The following TDRKH variants were observed in gnomAD, a reference collection of about 807,000 sequenced individuals.
The protein encoded by TDRKH is tudor and KH domain containing.
TDRKH carries 28 observed loss-of-function variants against 61.3 expected under a neutral mutation model. That is an observed-to-expected ratio of 0.46 (90% CI 0.34 to 0.63). The LOEUF (loss-of-function observed/expected upper bound fraction) is 0.63. TDRKH is among the 20% of genes least tolerant of loss of function. The pLI is 0.01. For synonymous variants in TDRKH, 219 were observed against 244.4 expected, an observed-to-expected ratio of 0.90 and a Z score of 0.97; for missense variants, 540 against 683.4, an observed-to-expected ratio of 0.79 and a Z score of 2.34.
chr1:151,767,416 G>C, downstream of TDRKH: 5 of 1,499,120 alleles, frequency 3.3e-6, no homozygotes, highest in Non-Finnish European at 4.4e-6. Context: ...ATCTTGGAAC[G>C]CATGTGTAAA....
chr1:151,781,328 A>AAATATATATATATATATATAT (rs1491536697), intron 3 of TDRKH, among the ~76,000 whole-genome samples, 153 bp downstream of exon 3: 1 of 68,600 alleles, frequency 1.5e-5, no homozygotes, highest in Non-Finnish European at 3.4e-5. Context: ...AAAAAAAAAA[A>AAATATATATATATATATATAT]ATATATATAT....
chr1:151,768,241 A>G, downstream of TDRKH: 1 of 1,606,802 alleles, frequency 6.2e-7, no homozygotes, highest in Non-Finnish European at 8.5e-7. Flanking sequence ...AAGGTGACTG[A>G]GCCTGGATGG....
chr1:151,783,055 ACAAG>A lies in TDRKH; in HGVS notation c.-27-10_-27-7del. On this transcript the variant is annotated splice_region_variant and splice_polypyrimidine_tract_variant and intron_variant, in intron 1 of 12. Transcript: ENST00000368824. The stretch of plus-strand genomic sequence containing the variant: ...TGTACTCTTTGACTTATATCCTGAA[ACAAG>A]CAAAGCAGGGAAAAGAGGGAGGTTT... The A allele has an allele frequency of 6.2e-7, 1 of 1,605,452 alleles. No individual in the cohort carries two copies. The highest frequency in any genetic ancestry group is 1.1e-5 in the South Asian group (1 of 89,536).
intron 11 of TDRKH, 88 bp from the exon 12 acceptor site, chr1:151,774,894 G>T: frequency 6.8e-7 from 1 of 1,478,524 alleles, no homozygotes. Flanking sequence ...ATAGGACCTG[G>T]TTAAGGCAGT....
chr1:151,767,375 A>G (rs1648402464), downstream of TDRKH: 1 of 1,554,854 alleles, frequency 6.4e-7, no homozygotes, highest in East Asian at 2.3e-5. Flanking sequence ...GACATTAGCA[A>G]GTTGGAAGAT....
At chr1:151,781,926 C>G (rs1248990927) in intron 2 of TDRKH, 2 of 450,640 alleles carry the variant, frequency 4.4e-6, no homozygotes, top group Non-Finnish European at 8.6e-6. Context: ...GTCCATTAGG[C>G]TCAGAACTTC....
rs748273049 is a variant in TDRKH at position 151,775,045 on chromosome 1, A to G, written c.1536+20T>C. On this transcript the variant is annotated intron_variant, in intron 11 of 12. Transcript: ENST00000368824. ...TAGATTTGCCTGGAAGCAGCACCCT[A>G]TATAACTACAATAGCTCACCATGTC... 1.9e-6 allele frequency: 3 copies of G among 1,612,420 alleles called. No individual in the cohort carries two copies. Among genetic ancestry groups the G allele is most frequent in the Non-Finnish European group, 2.5e-6 (3 of 1,178,680 alleles).
chr1:151,774,285 A>G lies in TDRKH; in HGVS notation c.*167T>C. On this transcript the variant is annotated 3_prime_UTR_variant, in exon 13 of 13. Coordinates refer to ENST00000368824, the MANE Select transcript of TDRKH (RefSeq NM_001083965.2). ...AAGTGCTCAATCTGAGAGCAAGTTAAGCTGCAGGAAAGCAGCTGCAGAGAA... is the reference window on the plus strand; with the variant it reads ...AAGTGCTCAATCTGAGAGCAAGTTAGGCTGCAGGAAAGCAGCTGCAGAGAA... 1 of 655,734 alleles carries G rather than the reference A, an allele frequency of 1.5e-6. No individual in the cohort carries two copies. The highest frequency in any genetic ancestry group is 2.6e-6 in the Non-Finnish European group (1 of 387,784). The allele number at this position is 655,734 out of a possible 1,614,324, so 40.6% of individuals were successfully genotyped here. A position where few individuals can be genotyped will look rare whatever the true frequency, so the allele number is the denominator to read the frequency against.
At chr1:151,779,343 C>A in intron 4 of TDRKH, 101 bp from the exon 5 acceptor site, 1 of 1,443,112 alleles carries the variant, frequency 6.9e-7, no homozygotes, top group Non-Finnish European at 9.2e-7. Context: ...AGAATCAGTT[C>A]TCATTTCTAA....
Position 151,783,051 on chromosome 1 carries a change from T to G in TDRKH, c.-27-2A>C, listed in dbSNP as rs754296502. Reference sequence around the variant, plus strand: ...CTGCTGTACTCTTTGACTTATATCCTGAAACAAGCAAAGCAGGGAAAAGAG... The same window carrying G: ...CTGCTGTACTCTTTGACTTATATCCGGAAACAAGCAAAGCAGGGAAAAGAG... On this transcript the variant is annotated splice_acceptor_variant, in intron 1 of 12. Coordinates refer to ENST00000368824, the MANE Select transcript of TDRKH (RefSeq NM_001083965.2). LOFTEE classifies it low-confidence loss of function (5UTR_SPLICE). 2 of 1,605,266 alleles carry G rather than the reference T, an allele frequency of 1.2e-6. No individual in the cohort carries two copies. The highest frequency in any genetic ancestry group is 8.5e-7 in the Non-Finnish European group (1 of 1,176,352).
Position 151,778,933 on chromosome 1 carries a change from A to T in TDRKH, c.635T>A (p.Val212Asp), listed in dbSNP as rs758257576. ...KRIAHSAETR[V>D]PRKQPISVRR... The stretch of plus-strand genomic sequence containing the variant: ...CACACTGATTGGCTGTTTGCGTGGG[A>T]CCCTGGTTTCTGCAGAATGAGCAAT... The change falls in exon 6 of 13, where the codon GTC becomes GAC. Residue 212 changes from valine to aspartate, a missense_variant. Around this residue, in one of 3 missense-constraint regions of TDRKH, gnomAD observed 379 missense variants for 443.8 expected, o/e 0.85. Coordinates refer to ENST00000368824, the MANE Select transcript of TDRKH (RefSeq NM_001083965.2). 1.2e-6 allele frequency: 2 copies of T among 1,614,054 alleles called. No homozygotes were observed. The highest frequency in any genetic ancestry group is 1.7e-6 in the Non-Finnish European group (2 of 1,180,004).
chr1:151,769,679 C>T (rs1271512590), downstream of TDRKH, among the ~76,000 whole-genome samples: 1 of 151,956 alleles, frequency 6.6e-6, no homozygotes, highest in Non-Finnish European at 1.5e-5. Context: ...GGGTGGTGGC[C>T]GGGCAGAGGC....
chr1:151,766,987 G>C, downstream of TDRKH: 1 of 1,375,494 alleles, frequency 7.3e-7, no homozygotes, highest in South Asian at 1.3e-5. Flanking sequence ...AATAACAACA[G>C]AATAGGGGGT....
chr1:151,766,536 C>T (rs1028158696), downstream of TDRKH: 3 of 623,044 alleles, frequency 4.8e-6, no homozygotes, highest in Non-Finnish European at 5.6e-6. Flanking sequence ...GCATACTAGT[C>T]GAATATGAGC....
At chr1:151,789,671 G>A (rs1441199791) in intron 1 of TDRKH, among the ~76,000 whole-genome samples, 1 of 152,232 alleles carries the variant, frequency 6.6e-6, no homozygotes, top group African/African-American at 2.4e-5. Context: ...CAAATAGGAT[G>A]TGATGAGAAG....
chr1:151,781,194 G>C (rs2101604148), intron 3 of TDRKH, among the ~76,000 whole-genome samples: 1 of 151,186 alleles, frequency 6.6e-6, no homozygotes, highest in Non-Finnish European at 1.5e-5. Context: ...GCGGGTGCCT[G>C]TAATCCCAGC....
intron 1 of TDRKH, among the ~76,000 whole-genome samples, chr1:151,786,635 GA>G (rs1186763882): frequency 2.0e-5 from 3 of 152,148 alleles, no homozygotes; most frequent in African/African-American, 7.2e-5. Context: ...CAACAGAACT[GA>G]ATAAAGTTCT....
intron 3 of TDRKH, among the ~76,000 whole-genome samples, chr1:151,780,362 C>T (rs1193721119): frequency 6.7e-6 from 1 of 149,472 alleles, no homozygotes; most frequent in Non-Finnish European, 1.5e-5. Context: ...AAATGTAACC[C>T]CAAATAGCAG....
In TDRKH at chr1:151,774,376, T is replaced by C; in HGVS notation, c.*76A>G. The C allele has an allele frequency of 6.5e-7, 1 of 1,540,126 alleles. No individual in the cohort carries two copies. Among genetic ancestry groups the C allele is most frequent in the South Asian group, 1.2e-5 (1 of 86,480 alleles). On this transcript the variant is annotated 3_prime_UTR_variant, in exon 13 of 13. Coordinates refer to ENST00000368824, the MANE Select transcript of TDRKH (RefSeq NM_001083965.2). ...AGTGCCCCACTGTCGCCCTCATTAC[T>C]TTCCTGTTGCTACAGATAGATGATA...
Sources: gnomAD v4.1 joint callset for allele counts (sites outside exome capture counted in the v4.1 genomes callset) on GRCh38, gnomAD v4.1.1 for gene constraint, gnomAD v4.1.1 regional missense constraint, MANE v1.5 for transcripts, NCBI Gene and HGNC (gene_info 2026-07-23, HGNC 2026-07-21) for gene names.